SKOR2: variants seen among roughly 807,000 people sequenced by gnomAD.
SKOR2 encodes the protein LBX1 corepressor 1-like protein.
A neutral mutation model predicts 69.1 loss-of-function variants in SKOR2; 47 were observed. That is an observed-to-expected ratio of 0.68 (90% CI 0.54 to 0.87). The LOEUF (loss-of-function observed/expected upper bound fraction) is 0.87. SKOR2 is among the 40% of genes least tolerant of loss of function. The probability of loss-of-function intolerance (pLI) is 0.00; values close to 1 mark genes in which losing one functional copy is unlikely to be tolerated. For synonymous variants in SKOR2, 717 were observed against 672.6 expected (o/e 1.07, Z -1.02); for missense variants, 1,404 against 1,472.2 (o/e 0.95, Z 0.76).
intron 4 of SKOR2, among the ~76,000 whole-genome samples, chr18:47,243,032 TAAAAC>T (rs1386145536): frequency 2.6e-5 from 4 of 152,176 alleles, no homozygotes; most frequent in African/African-American, 4.8e-5. Flanking sequence ...ATACATAAGA[TAAAAC>T]AAAACAAAAT....
intron 8 of SKOR2, among the ~76,000 whole-genome samples, chr18:47,207,310 A>G (rs1432644175): frequency 1.3e-5 from 2 of 152,166 alleles, no homozygotes; most frequent in Non-Finnish European, 2.9e-5. Flanking sequence ...AAATGATTGG[A>G]TTGGTTATTA....
chr18:47,217,865 T>G (rs1368252080), intron 7 of SKOR2, among the ~76,000 whole-genome samples: 1 of 151,958 alleles, frequency 6.6e-6, no homozygotes, highest in Non-Finnish European at 1.5e-5. Flanking sequence ...GGTGGGAAAT[T>G]CAAGCTTTTC....
chr18:47,230,919 T>C lies in SKOR2; in HGVS notation c.2818+16A>G. ...AAAGCTAAGAGAAGTTCTACAGAAT[T>C]GAAACTTTCATTTACCTTTCCCCAT... On this transcript the variant is annotated intron_variant, in intron 5 of 8. Transcript: ENST00000425639. 1 of 1,534,492 alleles carries C rather than the reference T, an allele frequency of 6.5e-7. No individual in the cohort carries two copies. Among genetic ancestry groups the C allele is most frequent in the Non-Finnish European group, 8.7e-7 (1 of 1,145,630 alleles).
rs1386480814 is a variant in SKOR2 at position 47,249,167 on chromosome 18, A to G, written c.17T>C (p.Leu6Pro). 1 of 1,535,142 alleles carries G rather than the reference A, an allele frequency of 6.5e-7. No homozygotes were observed. Among genetic ancestry groups the G allele is most frequent in the Admixed American group, 2.0e-5 (1 of 50,946 alleles). Reference protein sequence around the residue: MASSPLPGPNDILLAS... With the variant: MASSPPPGPNDILLAS... Reference sequence around the variant, plus strand: ...CAGCAGGATGTCGTTGGGCCCTGGCAGCGGACTGGAAGCCATCTCCGCCGC... The same window carrying G: ...CAGCAGGATGTCGTTGGGCCCTGGCGGCGGACTGGAAGCCATCTCCGCCGC... The change falls in exon 2 of 9, where the codon CTG (leucine) becomes CCG (proline). Residue 6 changes from leucine (L) to proline (P), a missense_variant. Physicochemically the swap from Leu to Pro is moderately conservative, Grantham distance 98 (BLOSUM62 -3). This residue lies in a region of SKOR2 where 104 missense variants were observed against 95.7 expected (regional missense o/e 1.09). Transcript: ENST00000425639.
At chr18:47,209,518 C>T (rs1280981307) in intron 8 of SKOR2, among the ~76,000 whole-genome samples, 1 of 152,172 alleles carries the variant, frequency 6.6e-6, no homozygotes, top group African/African-American at 2.4e-5. Context: ...ATTTAAGTAA[C>T]CACTAATCTT....
In SKOR2 at chr18:47,247,228, C is replaced by A; in HGVS notation, c.1956G>T (p.Thr652=). ...ASAGAPHSAQ[T]HPHHHHHPHH... is the part of the protein sequence containing the mutation. ...GAGGGTGGTGATGGTGGTGGGGATG[C>A]GTCTGGGCCGAGTGGGGCGCGCCCG... The change falls in exon 2 of 9, where the codon ACG becomes ACT. Residue 652 remains threonine (T), a synonymous_variant. Coordinates refer to ENST00000425639, the MANE Select transcript of SKOR2 (RefSeq NM_001278063.4). This position sits in a 1 kb window ranked among gnomAD's most constrained non-coding sequence, Gnocchi z 6.6. 1 of 1,461,638 alleles carries A rather than the reference C, an allele frequency of 6.8e-7. No individual in the cohort carries two copies. The highest frequency in any genetic ancestry group is 9.0e-7 in the Non-Finnish European group (1 of 1,111,460). The allele number at this position is 1,461,638 out of a possible 1,614,324, so 90.5% of individuals were successfully genotyped here.
chr18:47,240,675 TAAAG>T (rs931974684), intron 4 of SKOR2, among the ~76,000 whole-genome samples: 3 of 152,210 alleles, frequency 2.0e-5, no homozygotes, highest in Admixed American at 2.0e-4. Flanking sequence ...GCTGACAGAT[TAAAG>T]AAAGGCTAAA....
chr18:47,233,657 T>C (rs1331808413), intron 4 of SKOR2, among the ~76,000 whole-genome samples: 1 of 152,256 alleles, frequency 6.6e-6, no homozygotes, highest in Non-Finnish European at 1.5e-5. Flanking sequence ...TCTTTATTCC[T>C]GAATAGGCAA....
At chr18:47,214,371 C>T (rs545402780) in intron 7 of SKOR2, among the ~76,000 whole-genome samples, 19 of 152,082 alleles carry the variant, frequency 1.2e-4, no homozygotes, top group Admixed American at 2.6e-4. Flanking sequence ...ATTTGAGTCC[C>T]AAGGGTCCAG....
At chr18:47,245,048 A>ATT (rs201348002) in intron 3 of SKOR2, 66 bp from the exon 4 acceptor site, 3,872 of 1,115,746 alleles carry the variant, frequency 3.5e-3, no homozygotes, top group South Asian at 5.8e-3. Flanking sequence ...CAAAGATCCA[A>ATT]TTTTTTTTTT....
At chr18:47,232,310 T>C (rs1364041142) in intron 4 of SKOR2, among the ~76,000 whole-genome samples, 2 of 152,216 alleles carry the variant, frequency 1.3e-5, no homozygotes, top group African/African-American at 4.8e-5. Context: ...TCGTTATTCC[T>C]ATTTCGCTTA....
At chr18:47,250,783 C>A (rs915131628) in intron 1 of SKOR2, among the ~76,000 whole-genome samples, 1 of 152,140 alleles carries the variant, frequency 6.6e-6, no homozygotes, top group Non-Finnish European at 1.5e-5. Context: ...GGATCAGAGA[C>A]AATATTTCCA....
chr18:47,241,589 T>C (rs950104086), intron 4 of SKOR2, among the ~76,000 whole-genome samples: 7 of 152,014 alleles, frequency 4.6e-5, no homozygotes, highest in African/African-American at 1.7e-4. Flanking sequence ...TTACTGGTGT[T>C]TAAAACATTT....
At chr18:47,232,168 A>T (rs1049771644) in intron 4 of SKOR2, among the ~76,000 whole-genome samples, 10 of 152,156 alleles carry the variant, frequency 6.6e-5, no homozygotes, top group African/African-American at 2.4e-4. Flanking sequence ...AGTAAAAAAA[A>T]ATTAAAAATC....
intron 4 of SKOR2, among the ~76,000 whole-genome samples, chr18:47,237,749 G>A (rs576592978): frequency 6.7e-6 from 1 of 149,114 alleles, no homozygotes; most frequent in East Asian, 2.0e-4. Context: ...CCAGGCTGGA[G>A]TGCAGTGGTG....
At chr18:47,249,884 T>C (rs1310472069) in intron 1 of SKOR2, among the ~76,000 whole-genome samples, 2 of 152,240 alleles carry the variant, frequency 1.3e-5, no homozygotes, top group African/African-American at 4.8e-5. Flanking sequence ...CAAAGTCATA[T>C]ACACCGTTGC....
In SKOR2 at chr18:47,247,121, G is replaced by A. The variant is rs1166147296; in HGVS notation, c.2063C>T (p.Ser688Phe). 8.3e-7 allele frequency: 1 copy of A among 1,209,818 alleles called. No homozygotes were observed. Among genetic ancestry groups the A allele is most frequent in the Non-Finnish European group, 1.0e-6 (1 of 977,442 alleles). The allele number at this position is 1,209,818 out of a possible 1,614,324, so 74.9% of individuals were successfully genotyped here. Residue 688 changes from serine to phenylalanine, a missense_variant, in exon 2 of 9, where the codon TCC (serine) becomes TTC (phenylalanine). Transcript: ENST00000425639. The surrounding 1 kb of genome is among the most constrained non-coding windows in gnomAD (Gnocchi z 6.6). ...LLPPQPDEPGSERHHPAPPPP... is the reference protein window; with the variant it reads ...LLPPQPDEPGFERHHPAPPPP... Reference sequence around the variant, plus strand: ...CGGCGGGGCCGGGTGGTGGCGCTCGGAACCCGGCTCGTCGGGCTGCGGGGG... The same window carrying A: ...CGGCGGGGCCGGGTGGTGGCGCTCGAAACCCGGCTCGTCGGGCTGCGGGGG...
At chr18:47,235,168 C>T (rs1257108136) in intron 4 of SKOR2, among the ~76,000 whole-genome samples, 1 of 152,116 alleles carries the variant, frequency 6.6e-6, no homozygotes, top group African/African-American at 2.4e-5. Context: ...TGATACCAGA[C>T]TGCGCAACAT....
In SKOR2 at chr18:47,244,966, A is replaced by C; in HGVS notation, c.2694T>G (p.His898Gln). The C allele has an allele frequency of 6.5e-7, 1 of 1,535,668 alleles. No homozygotes were observed. Among genetic ancestry groups the C allele is most frequent in the African/African-American group, 1.4e-5 (1 of 73,108 alleles). Residue 898 changes from histidine to glutamine, a missense_variant, in exon 4 of 9, where the codon CAT becomes CAG. Transcript: ENST00000425639. ...DNSFSDKNKE[H>Q]SFFITDSDAS... Reference sequence around the variant, plus strand: ...CATCAGAGTCTGTGATGAAAAAGCTATGCTCCTTGTTCTTATCTAGAACCA... The same window carrying C: ...CATCAGAGTCTGTGATGAAAAAGCTCTGCTCCTTGTTCTTATCTAGAACCA...
Sources: gnomAD v4.1 joint callset for allele counts (sites outside exome capture counted in the v4.1 genomes callset) on GRCh38, gnomAD v4.1.1 for gene constraint, gnomAD v4.1.1 regional missense constraint, Gnocchi (gnomAD v3.1) non-coding constraint, MANE v1.5 for transcripts, NCBI Gene and HGNC (gene_info 2026-07-23, HGNC 2026-07-21) for gene names.